PLPP4: variants seen among roughly 807,000 people sequenced by gnomAD.
PLPP4 encodes phospholipid phosphatase 4, also known as diacylglycerol pyrophosphate like 2.
Under a neutral mutation model 32.2 loss-of-function variants are expected in PLPP4, and 20 were observed. That is an observed-to-expected ratio of 0.62 (90% CI 0.44 to 0.90). The LOEUF (loss-of-function observed/expected upper bound fraction) is 0.90. Among genes scored for constraint, PLPP4 ranks in the 40% least tolerant of loss-of-function variants. The probability of loss-of-function intolerance (pLI) is 0.00; values close to 1 mark genes in which losing one functional copy is unlikely to be tolerated. For synonymous variants in PLPP4, 127 were observed against 133.0 expected (o/e 0.95, Z 0.31); for missense variants, 257 against 353.1 (o/e 0.73, Z 2.18).
intron 2 of PLPP4, among the ~76,000 whole-genome samples, chr10:120,513,190 G>T (rs946525808): frequency 5.3e-5 from 8 of 152,194 alleles, no homozygotes; most frequent in Non-Finnish European, 1.2e-4. Flanking sequence ...CTCTCCAGTT[G>T]TATGTTCCCA....
At chr10:120,457,151 C>G (rs964115988), upstream of PLPP4, 4 of 326,064 alleles carry the variant, frequency 1.2e-5, no homozygotes, top group Non-Finnish European at 2.0e-5. Context: ...GAGCCCTCCC[C>G]GGCGCCTGCC....
chr10:120,497,062 G>A (rs912067661), intron 1 of PLPP4, among the ~76,000 whole-genome samples: 11 of 152,138 alleles, frequency 7.2e-5, no homozygotes, highest in East Asian at 1.9e-4. Flanking sequence ...ATGCCAAGGC[G>A]GTTAAAGGCC....
intron 5 of PLPP4, among the ~76,000 whole-genome samples, chr10:120,560,355 A>T (rs1173344190): frequency 6.6e-6 from 1 of 152,104 alleles, no homozygotes; most frequent in Admixed American, 6.6e-5. Context: ...GAAAGAAAAA[A>T]ATCATTTGTG....
intron 2 of PLPP4, among the ~76,000 whole-genome samples, chr10:120,512,033 G>T (rs1056793176): frequency 4.1e-4 from 62 of 152,024 alleles, no homozygotes; most frequent in Non-Finnish European, 2.1e-4. Flanking sequence ...GGCAGAGCTT[G>T]CAGTGAGCCG....
At chr10:120,496,752 C>A (rs1456810056) in intron 1 of PLPP4, among the ~76,000 whole-genome samples, 1 of 152,112 alleles carries the variant, frequency 6.6e-6, no homozygotes, top group Non-Finnish European at 1.5e-5. Context: ...GATGATAGTC[C>A]ACTCTCTGTC....
intron 1 of PLPP4, among the ~76,000 whole-genome samples, chr10:120,500,309 T>C (rs892150259): frequency 6.6e-6 from 1 of 152,026 alleles, no homozygotes; most frequent in African/African-American, 2.4e-5. Context: ...TGAGAAGAAA[T>C]AGGAGTCAAG....
chr10:120,458,156 G>C (rs1847878548), intron 1 of PLPP4, among the ~76,000 whole-genome samples: 1 of 152,154 alleles, frequency 6.6e-6, no homozygotes, highest in African/African-American at 2.4e-5. Context: ...CCAAGCTGCA[G>C]GGAGCTGTCA....
At chr10:120,491,054 G>A (rs2133837658) in intron 1 of PLPP4, among the ~76,000 whole-genome samples, 1 of 152,264 alleles carries the variant, frequency 6.6e-6, no homozygotes, top group Non-Finnish European at 1.5e-5. Context: ...TATACAGACT[G>A]TCCCAGACTG....
chr10:120,484,064 G>C (rs890533558), intron 1 of PLPP4, among the ~76,000 whole-genome samples: 22 of 152,366 alleles, frequency 1.4e-4, no homozygotes, highest in Middle Eastern at 3.4e-3. Context: ...GACCAGCAAT[G>C]AGCAAGTATC....
intron 5 of PLPP4, among the ~76,000 whole-genome samples, chr10:120,525,558 A>AGG (rs1262206543): frequency 1.3e-4 from 20 of 152,294 alleles, no homozygotes; most frequent in African/African-American, 4.8e-4. Context: ...TCCAGGATGA[A>AGG]GGCAAACACT....
At chr10:120,466,687 A>G (rs913053033) in intron 1 of PLPP4, among the ~76,000 whole-genome samples, 4 of 152,100 alleles carry the variant, frequency 2.6e-5, no homozygotes, top group Admixed American at 1.3e-4. Flanking sequence ...CACTCAAATC[A>G]TGCTGAAGAA....
intron 2 of PLPP4, among the ~76,000 whole-genome samples, chr10:120,510,520 A>G (rs529950912): frequency 6.6e-6 from 1 of 152,332 alleles, no homozygotes; most frequent in East Asian, 1.9e-4. Flanking sequence ...CCCTCTGTAC[A>G]TCTTCATCTG....
At chr10:120,551,963 T>G (rs993503912) in intron 5 of PLPP4, among the ~76,000 whole-genome samples, 1 of 152,184 alleles carries the variant, frequency 6.6e-6, no homozygotes, top group African/African-American at 2.4e-5. Context: ...TTTTTACAAT[T>G]TGTAATTATT....
At chr10:120,501,602 A>G (rs112270876) in intron 1 of PLPP4, among the ~76,000 whole-genome samples, 3,456 of 152,252 alleles carry the variant, frequency 0.023, 127 homozygotes, top group African/African-American at 0.079. Context: ...ACGTTGCTGG[A>G]CCTGACTCTA....
chr10:120,560,592 T>C (rs1347956448), intron 5 of PLPP4, among the ~76,000 whole-genome samples: 1 of 151,998 alleles, frequency 6.6e-6, no homozygotes, highest in Non-Finnish European at 1.5e-5. Context: ...CCATCTCTCC[T>C]AAAAATACAA....
At chr10:120,525,018 A>G (rs1240186534) in intron 5 of PLPP4, among the ~76,000 whole-genome samples, 7 of 152,210 alleles carry the variant, frequency 4.6e-5, no homozygotes, top group Non-Finnish European at 7.3e-5. Flanking sequence ...GGAATAAATA[A>G]AGCAATACTC....
intron 5 of PLPP4, among the ~76,000 whole-genome samples, chr10:120,565,117 G>A (rs929356861): frequency 1.3e-5 from 2 of 152,078 alleles, no homozygotes; most frequent in Non-Finnish European, 2.9e-5. Flanking sequence ...TCGATAATAT[G>A]TTCTAACCTA....
intron 1 of PLPP4, among the ~76,000 whole-genome samples, chr10:120,494,945 T>C (rs1053106496): frequency 6.6e-6 from 1 of 152,226 alleles, no homozygotes; most frequent in Non-Finnish European, 1.5e-5. Context: ...AAAATCTGTG[T>C]CTTATTAAAA....
At chr10:120,569,026 G>A (rs1848810354) in intron 5 of PLPP4, among the ~76,000 whole-genome samples, 1 of 152,078 alleles carries the variant, frequency 6.6e-6, no homozygotes, top group Non-Finnish European at 1.5e-5. Flanking sequence ...ATCACTTGAG[G>A]TCAGGAGTTC....
Sources: allele counts gnomAD v4.1 joint callset (sites outside exome capture counted in the v4.1 genomes callset), GRCh38; gene constraint gnomAD v4.1.1; transcripts MANE v1.5; gene names NCBI Gene and HGNC (gene_info 2026-07-23, HGNC 2026-07-21).